The following CNTNAP5 variants were observed in gnomAD, a reference collection of about 807,000 sequenced individuals.
CNTNAP5 encodes the protein contactin-associated protein-like 5.
Under a neutral mutation model 150.2 loss-of-function variants are expected in CNTNAP5, and 72 were observed. That is an observed-to-expected ratio of 0.48 (90% confidence interval 0.40 to 0.58). The LOEUF is 0.58. CNTNAP5 is among the 20% of genes least tolerant of loss of function. The probability of loss-of-function intolerance (pLI) is 0.00; values close to 1 mark genes in which losing one functional copy is unlikely to be tolerated. For missense variants in CNTNAP5, 1,636 were observed against 1,626.2 expected (o/e 1.01, Z -0.10); for synonymous variants, 672 against 619.8 (o/e 1.08, Z -1.25).
chr2:124,032,692 T>A (rs1444524318), intron 1 of CNTNAP5, among the ~76,000 whole-genome samples: 7 of 152,114 alleles, frequency 4.6e-5, no homozygotes, highest in East Asian at 1.9e-4. Context: ...CATTTTACAT[T>A]TGTAAAATGT....
chr2:124,906,525 A>G (rs1411493632), intron 22 of CNTNAP5, among the ~76,000 whole-genome samples: 1 of 152,118 alleles, frequency 6.6e-6, no homozygotes, highest in Non-Finnish European at 1.5e-5. Context: ...ACGATAGGTC[A>G]TGATGTGTTA....
chr2:124,637,160 A>G (rs1312669098), intron 12 of CNTNAP5, among the ~76,000 whole-genome samples: 1 of 152,058 alleles, frequency 6.6e-6, no homozygotes, highest in Non-Finnish European at 1.5e-5. Context: ...AGCAGTGTCT[A>G]TTTTCATATT....
chr2:124,812,090 TAA>T (rs1249159786), intron 19 of CNTNAP5, among the ~76,000 whole-genome samples: 2,243 of 81,574 alleles, frequency 0.027, 27 homozygotes, highest in Non-Finnish European at 0.041. Flanking sequence ...ATATATTATA[TAA>T]TATATAATTT....
chr2:124,875,679 G>A (rs984672635), intron 21 of CNTNAP5, among the ~76,000 whole-genome samples: 1 of 147,518 alleles, frequency 6.8e-6, no homozygotes, highest in African/African-American at 2.5e-5. Context: ...TTGTAGAAAC[G>A]TAAAAGAGAA....
chr2:124,245,918 C>T (rs1175049059), intron 3 of CNTNAP5, among the ~76,000 whole-genome samples: 1 of 151,746 alleles, frequency 6.6e-6, no homozygotes, highest in Non-Finnish European at 1.5e-5. Context: ...ATTTTTAAAA[C>T]TTTCTTCTTA....
chr2:124,709,601 C>A (rs1414162772), intron 13 of CNTNAP5, among the ~76,000 whole-genome samples: 3 of 152,026 alleles, frequency 2.0e-5, no homozygotes, highest in Admixed American at 2.0e-4. Context: ...TGCTCAGAGA[C>A]AAAATAGTTA....
At chr2:124,119,853 T>C (rs537673063) in intron 1 of CNTNAP5, among the ~76,000 whole-genome samples, 17 of 152,320 alleles carry the variant, frequency 1.1e-4, no homozygotes, top group African/African-American at 3.8e-4. Context: ...AAGAAACCAC[T>C]GCAGGCTCTT....
At chr2:124,801,946 T>C (rs1211436308) in intron 19 of CNTNAP5, among the ~76,000 whole-genome samples, 1 of 152,152 alleles carries the variant, frequency 6.6e-6, no homozygotes, top group Non-Finnish European at 1.5e-5. Flanking sequence ...TGAGAGTTTT[T>C]ATGATAAGAT....
intron 10 of CNTNAP5, among the ~76,000 whole-genome samples, chr2:124,537,646 T>C (rs1695269536): frequency 6.6e-6 from 1 of 152,202 alleles, no homozygotes; most frequent in Admixed American, 6.5e-5. Context: ...TTCATTTCTC[T>C]ACTTCTTTAA....
intron 3 of CNTNAP5, among the ~76,000 whole-genome samples, chr2:124,323,690 C>G (rs574288227): frequency 6.6e-6 from 1 of 152,168 alleles, no homozygotes; most frequent in African/African-American, 2.4e-5. Flanking sequence ...GGCCTGCCAA[C>G]CCCTGCCTCC....
At chr2:124,135,417 G>A (rs899848016) in intron 1 of CNTNAP5, among the ~76,000 whole-genome samples, 1 of 152,154 alleles carries the variant, frequency 6.6e-6, no homozygotes, top group African/African-American at 2.4e-5. Flanking sequence ...CCTCTATAAG[G>A]AAGATGTAAG....
At chr2:124,898,134 A>G (rs1241518567) in intron 21 of CNTNAP5, among the ~76,000 whole-genome samples, 6 of 151,396 alleles carry the variant, frequency 4.0e-5, no homozygotes, top group African/African-American at 2.5e-5. Flanking sequence ...TTACTTGTAT[A>G]TACTTCTCAT....
chr2:124,074,940 TC>T (rs1682402708), intron 1 of CNTNAP5, among the ~76,000 whole-genome samples: 1 of 152,170 alleles, frequency 6.6e-6, no homozygotes, highest in Admixed American at 6.6e-5. Context: ...TTTGATTTAA[TC>T]TTCTGGCAAT....
intron 3 of CNTNAP5, among the ~76,000 whole-genome samples, chr2:124,365,469 A>G (rs949578628): frequency 1.3e-5 from 2 of 152,204 alleles, no homozygotes; most frequent in African/African-American, 4.8e-5. Context: ...TAAGGAAACA[A>G]ATTTAACAAA....
chr2:124,790,134 CA>C lies in CNTNAP5; in HGVS notation c.2991del (p.Glu998ArgfsTer22). On this transcript the variant is annotated frameshift_variant, in exon 18 of 24. Coordinates refer to ENST00000682447, the MANE Select transcript of CNTNAP5 (RefSeq NM_001367498.1). LOFTEE classifies it high-confidence loss of function. ...ATTCACCTTATGAAGGGCCCTTTTG[CA>C]AAAAAGGTACCTTAGGCGCTCCTGT... ...TNSPYEGPFC[K>X]KEVSAVFEAG... 2 of 1,605,488 alleles carry C rather than the reference CA, an allele frequency of 1.2e-6. No homozygotes were observed. Among genetic ancestry groups the C allele is most frequent in the Non-Finnish European group, 1.7e-6 (2 of 1,177,222 alleles).
At chr2:124,552,889 A>G (rs1371584996) in intron 10 of CNTNAP5, among the ~76,000 whole-genome samples, 1 of 152,158 alleles carries the variant, frequency 6.6e-6, no homozygotes, top group Non-Finnish European at 1.5e-5. Context: ...TTAATGTCTC[A>G]TGGCATTCTA....
At chr2:124,733,563 A>G (rs1466834583) in intron 13 of CNTNAP5, among the ~76,000 whole-genome samples, 4 of 152,128 alleles carry the variant, frequency 2.6e-5, no homozygotes, top group Admixed American at 2.6e-4. Context: ...AATAAAAAAG[A>G]GTAACAACCC....
intron 3 of CNTNAP5, among the ~76,000 whole-genome samples, chr2:124,260,394 G>A (rs1425867243): frequency 6.6e-6 from 1 of 152,126 alleles, no homozygotes; most frequent in East Asian, 1.9e-4. Context: ...TTAAATGTTA[G>A]ACCTAAAACC....
intron 3 of CNTNAP5, among the ~76,000 whole-genome samples, chr2:124,408,249 G>C (rs536890734): frequency 0.01 from 1,561 of 150,678 alleles, 10 homozygotes; most frequent in Admixed American, 0.015. Context: ...ACGGAGTCTC[G>C]CTGATTGCTA....
Sources: gnomAD v4.1 joint callset for allele counts (sites outside exome capture counted in the v4.1 genomes callset) on GRCh38, gnomAD v4.1.1 for gene constraint, MANE v1.5 for transcripts, NCBI Gene and HGNC (gene_info 2026-07-23, HGNC 2026-07-21) for gene names.